The following RINT1 variants were observed in gnomAD, a reference collection of about 807,000 sequenced individuals.
RINT1 encodes the protein RAD50 interactor 1.
In RINT1, 75 loss-of-function variants were observed where a neutral mutation model predicts 97.7. That is an observed-to-expected ratio of 0.77 (90% CI 0.64 to 0.93). The LOEUF (loss-of-function observed/expected upper bound fraction) is 0.93, where lower values mean the gene tolerates loss of function less well. RINT1 is among the 40% of genes least tolerant of loss of function. RINT1 has a pLI of 0.00. For missense variants in RINT1, 892 were observed against 925.2 expected (o/e 0.96, Z 0.47); for synonymous variants, 303 against 326.3 (o/e 0.93, Z 0.77).
intron 2 of RINT1, among the ~76,000 whole-genome samples, chr7:105,534,130 G>A (rs1275694758): frequency 1.3e-5 from 2 of 151,858 alleles, no homozygotes; most frequent in Non-Finnish European, 2.9e-5. Flanking sequence ...GAGTGCAGTG[G>A]CGCGATCTCG....
At chr7:105,565,854 G>A (rs776835992) in intron 14 of RINT1, among the ~76,000 whole-genome samples, 60 of 152,344 alleles carry the variant, frequency 3.9e-4, no homozygotes, top group Non-Finnish European at 7.2e-4. Context: ...TTCAGAACTA[G>A]ATATAAATTA....
chr7:105,543,169 C>T (rs540412953), intron 4 of RINT1, among the ~76,000 whole-genome samples: 1 of 152,110 alleles, frequency 6.6e-6, no homozygotes, highest in African/African-American at 2.4e-5. Flanking sequence ...GGATTACAGG[C>T]ATGAGCTACC....
intron 2 of RINT1, among the ~76,000 whole-genome samples, chr7:105,534,113 CA>C (rs1437934078): frequency 6.6e-6 from 1 of 151,724 alleles, no homozygotes; most frequent in Non-Finnish European, 1.5e-5. Context: ...CTCTGTCTCT[CA>C]GGCTGGAGTG....
At chr7:105,562,062 C>T (rs1195995803) in intron 11 of RINT1, among the ~76,000 whole-genome samples, 1 of 152,138 alleles carries the variant, frequency 6.6e-6, no homozygotes, top group African/African-American at 2.4e-5. Context: ...CTTGTATATA[C>T]TACTAAAGCT....
At position 105,548,608 on chromosome 7, in the gene RINT1, C is replaced by T; in HGVS notation, c.894C>T (p.Ala298=). ...TCCCAGAAAAATACTCTCTTCCTGC[C>T]TCCCCTTCTGTCATCCTGCCCATCC... ...KQLPEKYSLP[A]SPSVILPIQV... is the part of the protein sequence containing the mutation. Residue 298 remains alanine (A), a synonymous_variant, in exon 7 of 15, where the codon GCC becomes GCT. Coordinates refer to ENST00000257700, the MANE Select transcript of RINT1 (RefSeq NM_021930.6). 6.2e-7 allele frequency: 1 copy of T among 1,614,144 alleles called. No homozygotes were observed. Among genetic ancestry groups the T allele is most frequent in the Non-Finnish European group, 8.5e-7 (1 of 1,180,002 alleles).
chr7:105,567,331 T>C lies in RINT1; in HGVS notation c.*20T>C, dbSNP rs375342336. On this transcript the variant is annotated 3_prime_UTR_variant, in exon 15 of 15. Transcript: ENST00000257700. ...AAATAATGTCTTTCAGAAAAAGGTT[T>C]CTTTGGTTTTTGTTTCTAAGAAAGA... The C allele has an allele frequency of 6.5e-6, 10 of 1,545,260 alleles. No homozygotes were observed. The African/African-American group carries it at 1.4e-4, about 21-fold the overall frequency.
At chr7:105,565,693 A>C (rs746495199) in intron 14 of RINT1, 45 bp downstream of exon 14, 1 of 1,302,184 alleles carries the variant, frequency 7.7e-7, no homozygotes, top group Non-Finnish European at 1.1e-6. Context: ...TCAAATTGTT[A>C]CAGGAGGCTA....
intron 4 of RINT1, among the ~76,000 whole-genome samples, chr7:105,544,020 G>A (rs1453649536): frequency 2.6e-5 from 4 of 151,708 alleles, no homozygotes; most frequent in African/African-American, 9.7e-5. Context: ...GAATTGCTTG[G>A]ACTCGGGAGG....
intron 11 of RINT1, among the ~76,000 whole-genome samples, chr7:105,556,455 A>G (rs987059098): frequency 1.3e-5 from 2 of 151,932 alleles, no homozygotes; most frequent in Non-Finnish European, 2.9e-5. Context: ...CTCAGATATC[A>G]TATTTCATGG....
chr7:105,565,157 G>C (rs1219220238), intron 12 of RINT1, 120 bp from the exon 13 acceptor site: 1 of 696,466 alleles, frequency 1.4e-6, no homozygotes, highest in South Asian at 2.5e-5. Flanking sequence ...ATGTTAGGCT[G>C]TATATTTTTT....
chr7:105,551,692 CT>C lies in RINT1; in HGVS notation c.1457del (p.Leu486ProfsTer4), dbSNP rs1232536397. 1 of 1,604,526 alleles carries C rather than the reference CT, an allele frequency of 6.2e-7. No individual in the cohort carries two copies. Among genetic ancestry groups the C allele is most frequent in the Non-Finnish European group, 8.5e-7 (1 of 1,176,040 alleles). On this transcript the variant is annotated frameshift_variant, in exon 10 of 15. Transcript: ENST00000257700. LOFTEE classifies it high-confidence loss of function. ...TTGTGCAGAAACTTTTATGACTCTA[CT>C]CTTGGTTATAACTGGTAAGTATGTC... is the stretch of plus-strand genomic sequence containing the variant. ...PDCAETFMTL[L>X]LVITDRYKNL...
At position 105,565,402 on chromosome 7, in the gene RINT1, T is replaced by C. The variant is rs2133477666; in HGVS notation, c.2012T>C (p.Phe671Ser). ...GAGCAGCAGCTTTGTTTCTCCTTAT[T>C]TAAAATTTTCTGGCAAATGCTTGTA... ...QLEQQLCFSL[F>S]KIFWQMLVEK... The change falls in exon 13 of 15, where the codon TTT becomes TCT. Residue 671 changes from phenylalanine (F) to serine (S), a missense_variant. Physicochemically the swap from Phe to Ser is radical, Grantham distance 155. Transcript: ENST00000257700. The C allele has an allele frequency of 6.2e-7, 1 of 1,614,230 alleles. No individual in the cohort carries two copies.
In RINT1 at chr7:105,547,284, T is replaced by C. The variant is rs148785160; in HGVS notation, c.790T>C (p.Tyr264His). ...TCGACCTGCCAGTGCCCCGGAGATA[T>C]ACAGTTACCTGGAGACACTGTTTTG... ...LSRPASAPEI[Y>H]SYLETLFCQL... is the part of the protein sequence containing the mutation. Residue 264 changes from tyrosine (Y) to histidine (H), a missense_variant, in exon 6 of 15, where the codon TAC (tyrosine) becomes CAC (histidine). Transcript: ENST00000257700. The C allele has an allele frequency of 1.7e-5, 28 of 1,614,084 alleles. No homozygotes were observed. Among genetic ancestry groups the C allele is most frequent in the East Asian group, 1.1e-4 (5 of 44,902 alleles).
rs112576726 is a variant in RINT1 at position 105,560,456 on chromosome 7, C to T, written c.1672-3277C>T. 8.2e-3 allele frequency among the ~76,000 whole-genome samples: 1,250 copies of T among 151,654 alleles called. 15 individuals carry two copies. The highest frequency in any genetic ancestry group is 0.029 in the African/African-American group (1,199 of 41,286). On this transcript the variant is annotated intron_variant, in intron 11 of 14. Coordinates refer to ENST00000257700, the MANE Select transcript of RINT1 (RefSeq NM_021930.6). ...CATTGCCATGCAAAAAGATATGGGG[C>T]GGGGGCACGGGAGGAGAGAGGGAGA...
chr7:105,544,355 T>G (rs1790574920), intron 4 of RINT1, among the ~76,000 whole-genome samples: 1 of 152,108 alleles, frequency 6.6e-6, no homozygotes, highest in African/African-American at 2.4e-5. Context: ...AGTAATAGAT[T>G]AACTAAATTA....
chr7:105,535,627 A>G (rs1354823136), intron 2 of RINT1: 7 of 451,360 alleles, frequency 1.6e-5, no homozygotes, highest in Non-Finnish European at 2.7e-5. Context: ...ATCATGGCTC[A>G]CTGCAGCCTC....
chr7:105,536,533 G>A, intron 2 of RINT1, 32 bp from the exon 3 acceptor site: 1 of 1,430,796 alleles, frequency 7.0e-7, no homozygotes, highest in Non-Finnish European at 9.6e-7. Context: ...AGTACTTAGT[G>A]GCGTTGAGTA....
Position 105,565,344 on chromosome 7 carries a change from C to G in RINT1, c.1954C>G (p.Leu652Val), listed in dbSNP as rs779258990. ...MSLSSSACPL[L>V]LTLRDHLLQL... Reference sequence around the variant, plus strand: ...CCTGTCCAGTTCGGCTTGCCCGTTGCTGCTGACGTTACGAGACCATTTACT... The same window carrying G: ...CCTGTCCAGTTCGGCTTGCCCGTTGGTGCTGACGTTACGAGACCATTTACT... Residue 652 changes from leucine (L) to valine (V), a missense_variant, in exon 13 of 15, where the codon CTG becomes GTG. Coordinates refer to ENST00000257700, the MANE Select transcript of RINT1 (RefSeq NM_021930.6). 6.2e-7 allele frequency: 1 copy of G among 1,614,170 alleles called. No homozygotes were observed. The highest frequency in any genetic ancestry group is 1.1e-5 in the South Asian group (1 of 91,082).
Position 105,565,381 on chromosome 7 carries a change from A to C in RINT1, c.1991A>C (p.Gln664Pro). The change falls in exon 13 of 15, where the codon CAG (glutamine) becomes CCG (proline). Residue 664 changes from glutamine to proline, a missense_variant. By Grantham distance (76) the Gln-to-Pro change is moderately conservative. Coordinates refer to ENST00000257700, the MANE Select transcript of RINT1 (RefSeq NM_021930.6). ...TLRDHLLQLE[Q>P]QLCFSLFKIF... is the part of the protein sequence containing the mutation. Reference sequence around the variant, plus strand: ...CGAGACCATTTACTTCAGTTGGAGCAGCAGCTTTGTTTCTCCTTATTTAAA... The same window carrying C: ...CGAGACCATTTACTTCAGTTGGAGCCGCAGCTTTGTTTCTCCTTATTTAAA... The C allele has an allele frequency of 6.2e-7, 1 of 1,614,216 alleles. No homozygotes were observed. Among genetic ancestry groups the C allele is most frequent in the Non-Finnish European group, 8.5e-7 (1 of 1,180,042 alleles).
Sources: gnomAD v4.1 joint callset for allele counts (sites outside exome capture counted in the v4.1 genomes callset) on GRCh38, gnomAD v4.1.1 for gene constraint, MANE v1.5 for transcripts, NCBI Gene and HGNC (gene_info 2026-07-23, HGNC 2026-07-21) for gene names.